NLGN4X: variants seen among roughly 807,000 people sequenced by gnomAD.
The protein encoded by NLGN4X is neuroligin 4 X-linked, also known as neuroligin-4, X-linked.
NLGN4X carries 3 observed loss-of-function variants against 40.3 expected under a neutral mutation model. That is an observed-to-expected ratio of 0.07 (90% CI 0.03 to 0.19). NLGN4X has a LOEUF of 0.19. Ranked by LOEUF, NLGN4X falls within the 10% of genes least tolerant of loss-of-function variation. The pLI, the probability that NLGN4X is intolerant of heterozygous loss-of-function variation, is 1.00. For synonymous variants in NLGN4X, 270 were observed against 306.8 expected, an observed-to-expected ratio of 0.88 and a Z score of 1.25; for missense variants, 382 against 708.3, an observed-to-expected ratio of 0.54 and a Z score of 5.23.
chrX:5,975,124 T>C (rs773786537), intron 3 of NLGN4X, among the ~76,000 whole-genome samples: 24 of 112,166 alleles, frequency 2.1e-4, no homozygotes, highest in Admixed American at 4.7e-4. Context: ...AACTGATGCA[T>C]TGTTTATTTC....
At position 5,892,109 on chromosome X, in the gene NLGN4X, T is replaced by G. The variant is rs1328931125; in HGVS notation, c.*708A>C. ...TGAAAAGCACAACCTTGCTAAAAGCTCTTTCAAAGTGAAAACACCAATAAA... is the reference window on the plus strand; with the variant it reads ...TGAAAAGCACAACCTTGCTAAAAGCGCTTTCAAAGTGAAAACACCAATAAA... On this transcript the variant is annotated 3_prime_UTR_variant, in exon 6 of 6. Coordinates refer to ENST00000381095, the MANE Select transcript of NLGN4X (RefSeq NM_181332.3). 2 of 117,103 alleles carry G rather than the reference T, an allele frequency of 1.7e-5. No homozygotes were observed. Among genetic ancestry groups the G allele is most frequent in the African/African-American group, 6.5e-5 (2 of 30,815 alleles). 9.7% of individuals were successfully genotyped at this position (117,103 alleles called of 1,213,427 possible).
intron 2 of NLGN4X, among the ~76,000 whole-genome samples, chrX:6,107,469 C>T (rs997643447): frequency 2.7e-5 from 3 of 111,591 alleles, no homozygotes; most frequent in African/African-American, 9.8e-5. Context: ...AGACACATAA[C>T]ATAAGGGTTT....
Position 5,892,136 on chromosome X carries a change from GC to G in NLGN4X, c.*680del, listed in dbSNP as rs2031207514. 8.3e-6 allele frequency: 1 copy of G among 119,876 alleles called. No individual in the cohort carries two copies. Among genetic ancestry groups the G allele is most frequent in the African/African-American group, 3.3e-5 (1 of 30,619 alleles). The allele number at this position is 119,876 out of a possible 1,213,427, so 9.9% of individuals were successfully genotyped here. Reference sequence around the variant, plus strand: ...TTTCAAAGTGAAAACACCAATAAAAGCTTTTTTTCTTGTTTGTCTGTTTGTG... The same window carrying G: ...TTTCAAAGTGAAAACACCAATAAAAGTTTTTTTCTTGTTTGTCTGTTTGTG... On this transcript the variant is annotated 3_prime_UTR_variant, in exon 6 of 6. Transcript: ENST00000381095.
intron 2 of NLGN4X, among the ~76,000 whole-genome samples, chrX:6,075,701 TC>T (rs939781343): frequency 9.0e-6 from 1 of 110,588 alleles, no homozygotes; most frequent in East Asian, 2.9e-4. Context: ...AGCACCTCCT[TC>T]CCCCCATTCT....
rs186035918 is a variant in NLGN4X at position 6,101,022 on chromosome X, T to C, written c.472+49973A>G. 1.6e-3 allele frequency among the ~76,000 whole-genome samples: 173 copies of C among 110,884 alleles called. 1 individual carries two copies. The highest frequency in any genetic ancestry group is 5.2e-3 in the African/African-American group (160 of 30,517). ...GCAGTCCCAGGAGGTAGGAAAATCA[T>C]GTCTCCCAAAGGAGTCACTTGAAAG... On this transcript the variant is annotated intron_variant, in intron 2 of 5. Transcript: ENST00000381095.
At chrX:6,197,786 G>A (rs763786657) in intron 1 of NLGN4X, among the ~76,000 whole-genome samples, 237 of 110,616 alleles carry the variant, frequency 2.1e-3, no homozygotes, top group African/African-American at 7.6e-3. Flanking sequence ...TTATGGGGCC[G>A]GGCGTGGTGG....
chrX:6,054,172 T>C (rs1014279139), intron 2 of NLGN4X, among the ~76,000 whole-genome samples: 1 of 111,719 alleles, frequency 9.0e-6, no homozygotes, highest in African/African-American at 3.3e-5. Flanking sequence ...GATTAGAAAT[T>C]GACATATTCA....
At chrX:6,060,617 T>A (rs1327200542) in intron 2 of NLGN4X, among the ~76,000 whole-genome samples, 5 of 111,898 alleles carry the variant, frequency 4.5e-5, no homozygotes, top group African/African-American at 1.3e-4. Flanking sequence ...CCTCTTCTAA[T>A]CCCCAATCCC....
At chrX:6,064,454 C>T (rs2037853990) in intron 2 of NLGN4X, among the ~76,000 whole-genome samples, 1 of 111,750 alleles carries the variant, frequency 8.9e-6, no homozygotes, top group Non-Finnish European at 1.9e-5. Flanking sequence ...GGGAGAATTT[C>T]CATTGTGAAA....
At chrX:6,032,236 C>A (rs1486598516) in intron 2 of NLGN4X, among the ~76,000 whole-genome samples, 2 of 93,276 alleles carry the variant, frequency 2.1e-5, no homozygotes, top group Non-Finnish European at 4.2e-5. Context: ...CCCCCCCCCC[C>A]CCAAAAAAAA....
chrX:5,961,572 A>T (rs1449706356), intron 3 of NLGN4X, among the ~76,000 whole-genome samples: 1 of 111,935 alleles, frequency 8.9e-6, no homozygotes, highest in Non-Finnish European at 1.9e-5. Context: ...GAGAATGTTA[A>T]CTTGTTTTAT....
chrX:5,951,868 C>T (rs933737798), intron 3 of NLGN4X, among the ~76,000 whole-genome samples: 1 of 111,882 alleles, frequency 8.9e-6, no homozygotes, highest in African/African-American at 3.3e-5. Context: ...GCAAATGCTG[C>T]AGGATAAGGA....
At chrX:6,004,270 C>T (rs149340025) in intron 3 of NLGN4X, among the ~76,000 whole-genome samples, 154 of 112,196 alleles carry the variant, frequency 1.4e-3, no homozygotes, top group African/African-American at 4.6e-3. Context: ...CCCACACAAA[C>T]GTGCCCCTTG....
At chrX:6,088,334 T>C (rs750419459) in intron 2 of NLGN4X, among the ~76,000 whole-genome samples, 1 of 112,128 alleles carries the variant, frequency 8.9e-6, no homozygotes, top group Non-Finnish European at 1.9e-5. Flanking sequence ...GAGCCCATGA[T>C]CAGGCTGTCA....
intron 3 of NLGN4X, among the ~76,000 whole-genome samples, chrX:5,921,870 GGGTGAA>G (rs1248307855): frequency 3.6e-5 from 4 of 111,408 alleles, no homozygotes; most frequent in African/African-American, 1.3e-4. Context: ...CTAGATTCAA[GGGTGAA>G]GGCTGCCGTG....
intron 2 of NLGN4X, among the ~76,000 whole-genome samples, chrX:6,052,508 C>T (rs948265964): frequency 2.7e-5 from 3 of 111,979 alleles, no homozygotes; most frequent in African/African-American, 9.8e-5. Context: ...GACTTGAAGG[C>T]GTGCCAGCCA....
At chrX:6,021,966 TC>T (rs1248515544) in intron 3 of NLGN4X, among the ~76,000 whole-genome samples, 1 of 111,704 alleles carries the variant, frequency 9.0e-6, no homozygotes, top group African/African-American at 3.3e-5. Flanking sequence ...TTTTGCTACT[TC>T]CTGGGTTTGA....
intron 2 of NLGN4X, among the ~76,000 whole-genome samples, chrX:6,049,733 G>T (rs977997496): frequency 1.4e-4 from 1 of 6,959 alleles, no homozygotes; most frequent in Non-Finnish European, 2.7e-4. Context: ...AATAAAATGG[G>T]GGGGGGGGGC....
intron 2 of NLGN4X, among the ~76,000 whole-genome samples, chrX:6,070,554 A>C (rs768302469): frequency 2.1e-4 from 24 of 112,160 alleles, no homozygotes; most frequent in Non-Finnish European, 3.9e-4. Context: ...GACTAGCCTG[A>C]GCAACATAGT....
Sources: gnomAD v4.1 joint callset for allele counts (sites outside exome capture counted in the v4.1 genomes callset) on GRCh38, gnomAD v4.1.1 for gene constraint, MANE v1.5 for transcripts, NCBI Gene and HGNC (gene_info 2026-07-23, HGNC 2026-07-21) for gene names.